RHOT1: variants seen among roughly 807,000 people sequenced by gnomAD.
RHOT1 encodes ras homolog family member T1, also known as mitochondrial Rho GTPase 1.
Under a neutral mutation model 95.3 loss-of-function variants are expected in RHOT1, and 27 were observed. That is an observed-to-expected ratio of 0.28 (90% CI 0.21 to 0.39). The LOEUF is 0.39. Ranked by LOEUF, RHOT1 falls within the 10% of genes least tolerant of loss-of-function variation. The pLI is 1.00. For synonymous variants in RHOT1, 227 were observed against 263.5 expected (o/e 0.86, Z 1.34); for missense variants, 578 against 786.7 (o/e 0.73, Z 3.17).
rs368654873 is a variant in RHOT1, at chr17:32,206,929, C to T, written c.1436C>T (p.Ser479Leu). 45 of 1,593,276 alleles carry T rather than the reference C, an allele frequency of 2.8e-5. No homozygotes were observed. Among genetic ancestry groups the T allele is most frequent in the East Asian group, 1.3e-4 (6 of 44,714 alleles). The change falls in exon 17 of 20, where the codon TCG becomes TTG. Residue 479 changes from serine to leucine, a missense_variant. By Grantham distance (145) the Ser-to-Leu change is moderately radical. Around this residue, in one of 4 missense-constraint regions of RHOT1, gnomAD observed 296 missense variants for 338.5 expected, o/e 0.87. Coordinates refer to ENST00000545287, the MANE Select transcript of RHOT1 (RefSeq NM_001033566.3). ...TACAAGTTGCATGATATCTCAGAAT[C>T]GGAATTTCTAACTGAAGCTGAAATC... ...KYLLLHDISE[S>L]EFLTEAEIIC...
intron 1 of RHOT1, among the ~76,000 whole-genome samples, chr17:32,170,273 G>A (rs2034470053): frequency 6.6e-6 from 1 of 152,022 alleles, no homozygotes; most frequent in East Asian, 1.9e-4. Flanking sequence ...AAATTAGCTG[G>A]ACGTGGTGAC....
At chr17:32,178,050 C>T (rs1217488915) in intron 6 of RHOT1, among the ~76,000 whole-genome samples, 3 of 151,922 alleles carry the variant, frequency 2.0e-5, no homozygotes, top group Admixed American at 6.5e-5. Flanking sequence ...GTCTTAAACT[C>T]CTGACCTCAA....
At chr17:32,147,229 G>A (rs368569266) in intron 1 of RHOT1, among the ~76,000 whole-genome samples, 1 of 150,300 alleles carries the variant, frequency 6.7e-6, no homozygotes, top group South Asian at 2.1e-4. Flanking sequence ...ATTTTTAGTA[G>A]AGACAGGGTT....
chr17:32,212,328 G>A (rs892559417), intron 19 of RHOT1, among the ~76,000 whole-genome samples: 1 of 152,318 alleles, frequency 6.6e-6, no homozygotes, highest in Non-Finnish European at 1.5e-5. Flanking sequence ...GTGATGTTTC[G>A]AGCACTAACA....
At position 32,146,926 on chromosome 17, in the gene RHOT1, A is replaced by G. The variant is rs1292063343; in HGVS notation, c.37+4197A>G. Among the ~76,000 whole-genome samples, 9 of 56,480 alleles carry G rather than the reference A, an allele frequency of 1.6e-4. 1 individual carries two copies. In the East Asian group the frequency reaches 4.6e-3, roughly 29 times the overall value. 37.1% of individuals were successfully genotyped at this position (56,480 alleles called of 152,430 possible). A position where few individuals can be genotyped will look rare whatever the true frequency, so the allele number is the denominator to read the frequency against. Reference sequence around the variant, plus strand: ...TTTTTTTTTTTTTTTTTTTTTTTTTAGTAGAGAGGGTTTCACTGTGTTGGC... The same window carrying G: ...TTTTTTTTTTTTTTTTTTTTTTTTTGGTAGAGAGGGTTTCACTGTGTTGGC... On this transcript the variant is annotated intron_variant, in intron 1 of 19. Transcript: ENST00000545287.
chr17:32,152,560 G>A (rs191269697), intron 1 of RHOT1, among the ~76,000 whole-genome samples: 46 of 151,606 alleles, frequency 3.0e-4, no homozygotes, highest in Non-Finnish European at 1.3e-4. Context: ...CTCTTATAAA[G>A]CCTTTTAAAA....
chr17:32,173,740 C>T, intron 2 of RHOT1, 91 bp from the exon 3 acceptor site: 1 of 862,308 alleles, frequency 1.2e-6, no homozygotes, highest in East Asian at 2.5e-5. Context: ...AAACACTCAA[C>T]CTGTGTAGAT....
intron 1 of RHOT1, among the ~76,000 whole-genome samples, chr17:32,143,578 C>T (rs1433703742): frequency 6.6e-6 from 1 of 152,104 alleles, no homozygotes; most frequent in Non-Finnish European, 1.5e-5. Context: ...TGATATCTCC[C>T]CCCACCCAGA....
At chr17:32,213,791 C>G (rs181460791) in intron 19 of RHOT1, among the ~76,000 whole-genome samples, 1 of 152,168 alleles carries the variant, frequency 6.6e-6, no homozygotes, top group Admixed American at 6.5e-5. Context: ...CAATTTTATT[C>G]CTAGATTGGT....
At chr17:32,170,290 C>T (rs1801303433) in intron 1 of RHOT1, among the ~76,000 whole-genome samples, 1 of 152,014 alleles carries the variant, frequency 6.6e-6, no homozygotes, top group African/African-American at 2.4e-5. Flanking sequence ...TGACACATGC[C>T]TATAATCCCA....
chr17:32,223,069 G>A (rs2038928749), intron 19 of RHOT1, among the ~76,000 whole-genome samples: 1 of 151,918 alleles, frequency 6.6e-6, no homozygotes, highest in Non-Finnish European at 1.5e-5. Context: ...ATAATTATGT[G>A]AGGAGTGATT....
Position 32,193,130 on chromosome 17 carries a change from TGCTAGAGGA to T in RHOT1, c.640-5_643del, listed in dbSNP as rs1382762788. On this transcript the variant is annotated splice_acceptor_variant and splice_polypyrimidine_tract_variant and coding_sequence_variant and intron_variant, in exon 10 of 20. Coordinates refer to ENST00000545287, the MANE Select transcript of RHOT1 (RefSeq NM_001033566.3). LOFTEE classifies it high-confidence loss of function. ...TTTTTAAATATATTTTTATGTTTTT[TGCTAGAGGA>T]TTTGTTTCAACACTCCATTAGCTCC... The T allele has an allele frequency of 1.3e-6, 2 of 1,560,224 alleles. No homozygotes were observed. Among genetic ancestry groups the T allele is most frequent in the African/African-American group, 1.4e-5 (1 of 73,476 alleles).
Position 32,218,836 on chromosome 17 carries a change from CAG to C in RHOT1, c.1863-5778_1863-5777del, listed in dbSNP as rs559909288. Among the ~76,000 whole-genome samples, 4 of 152,066 alleles carry C rather than the reference CAG, an allele frequency of 2.6e-5. No homozygotes were observed. The South Asian group carries it at 8.3e-4, about 32-fold the overall frequency. On this transcript the variant is annotated intron_variant, in intron 19 of 19. Transcript: ENST00000545287. ...CTCTGAATAAATAAATAAATAAAGA[CAG>C]AAAAATTTACTGTAGTTTGGTGACC...
At chr17:32,210,448 C>G (rs2038050558) in intron 18 of RHOT1, among the ~76,000 whole-genome samples, 1 of 152,120 alleles carries the variant, frequency 6.6e-6, no homozygotes, top group South Asian at 2.1e-4. Flanking sequence ...TACATCCTTA[C>G]CCAGAGTTTC....
Position 32,211,152 on chromosome 17 carries a change from G to A in RHOT1, c.1776G>A (p.Arg592=). The part of the protein sequence containing the change: ...ARLRCMCTCN[R]CTFCICQNFL... ...TACGCTGTATGTGCACCTGCAACAG[G>A]TGTACATTTTGCATCTGTCAGAACT... The change falls in exon 19 of 20, where the codon AGG becomes AGA. Residue 592 remains arginine, a synonymous_variant. Transcript: ENST00000545287. 1.2e-6 allele frequency: 2 copies of A among 1,611,826 alleles called. No individual in the cohort carries two copies. Among genetic ancestry groups the A allele is most frequent in the Non-Finnish European group, 1.7e-6 (2 of 1,178,368 alleles).
intron 11 of RHOT1, among the ~76,000 whole-genome samples, chr17:32,196,958 C>T (rs997021743): frequency 1.3e-5 from 2 of 151,892 alleles, no homozygotes; most frequent in Non-Finnish European, 2.9e-5. Flanking sequence ...CCCATCTCTA[C>T]TAAAAATACA....
At chr17:32,210,983 C>T (rs2038090727) in intron 18 of RHOT1, 133 bp from the exon 19 acceptor site, 1 of 730,002 alleles carries the variant, frequency 1.4e-6, no homozygotes, top group South Asian at 3.4e-5. Context: ...TTAGCATGCC[C>T]CATACTGTCC....
At chr17:32,221,710 T>TA (rs1436799391) in intron 19 of RHOT1, among the ~76,000 whole-genome samples, 18 of 152,236 alleles carry the variant, frequency 1.2e-4, no homozygotes, top group South Asian at 1.0e-3. Flanking sequence ...AGTTAATAGT[T>TA]ACCTTAAGTT....
At chr17:32,186,387 G>A (rs1051033831) in intron 8 of RHOT1, among the ~76,000 whole-genome samples, 7 of 141,966 alleles carry the variant, frequency 4.9e-5, no homozygotes, top group South Asian at 4.4e-4. Context: ...TTTTTGAGAC[G>A]GAGTCTTGCT....
Sources: gnomAD v4.1 joint callset for allele counts (sites outside exome capture counted in the v4.1 genomes callset) on GRCh38, gnomAD v4.1.1 for gene constraint, gnomAD v4.1.1 regional missense constraint, MANE v1.5 for transcripts, NCBI Gene and HGNC (gene_info 2026-07-23, HGNC 2026-07-21) for gene names.